CDK19: variants seen among roughly 807,000 people sequenced by gnomAD.
The protein encoded by CDK19 is cyclin dependent kinase 19, also known as cyclin-dependent kinase 19.
A neutral mutation model predicts 68.3 loss-of-function variants in CDK19; 20 were observed. The ratio of observed to expected loss-of-function variants is 0.29; its 90% CI spans 0.21 to 0.43. The LOEUF (loss-of-function observed/expected upper bound fraction) is 0.43. CDK19 is among the 20% of genes least tolerant of loss of function. CDK19 has a pLI of 1.00. For missense variants in CDK19, 339 were observed against 623.5 expected (o/e 0.54, Z 4.86); for synonymous variants, 221 against 222.8 (o/e 0.99, Z 0.07).
intron 1 of CDK19, chr6:110,813,697 T>C (rs1783304868): frequency 1.4e-5 from 2 of 140,534 alleles, no homozygotes; most frequent in African/African-American, 2.7e-5. Context: ...CGATACCTTA[T>C]GACAAAACAC....
At chr6:110,677,084 A>T (rs903497500) in intron 2 of CDK19, among the ~76,000 whole-genome samples, 1 of 152,220 alleles carries the variant, frequency 6.6e-6, no homozygotes, top group African/African-American at 2.4e-5. Flanking sequence ...ACTGAGGCAA[A>T]GAAATAGCAA....
chr6:110,759,298 G>A (rs1228346528), intron 1 of CDK19, among the ~76,000 whole-genome samples: 55 of 148,858 alleles, frequency 3.7e-4, no homozygotes, highest in African/African-American at 1.3e-3. Context: ...CCAGCTACTC[G>A]GGAGGCTGAG....
intron 1 of CDK19, among the ~76,000 whole-genome samples, chr6:110,797,451 T>C (rs947797617): frequency 6.6e-6 from 1 of 152,226 alleles, no homozygotes; most frequent in Non-Finnish European, 1.5e-5. Context: ...TTTGAACATT[T>C]ACTAGACTTT....
chr6:110,783,048 T>C (rs925732291), intron 1 of CDK19, among the ~76,000 whole-genome samples: 6 of 152,208 alleles, frequency 3.9e-5, no homozygotes, highest in African/African-American at 1.2e-4. Context: ...GTCTGCGGCC[T>C]ACAGTCCCAC....
intron 2 of CDK19, among the ~76,000 whole-genome samples, chr6:110,696,675 A>C (rs1773511812): frequency 6.6e-6 from 1 of 152,110 alleles, no homozygotes; most frequent in Non-Finnish European, 1.5e-5. Context: ...TAATCCCAGC[A>C]CTTTGGGAAG....
rs114272357 is a variant in CDK19, at chr6:110,765,285, A to T, written c.129-19084T>A. Among the ~76,000 whole-genome samples, 510 of 152,258 alleles carry T rather than the reference A, an allele frequency of 3.3e-3. 2 individuals are homozygous for T. Among genetic ancestry groups the T allele is most frequent in the African/African-American group, 0.012 (481 of 41,562 alleles). ...ATTAAAAATTTTTGACATTTTAGGA[A>T]GAAGGATCACTTGAGCCCTGGAGGT... On this transcript the variant is annotated intron_variant, in intron 1 of 12. Transcript: ENST00000368911.
chr6:110,699,424 CAA>C (rs34728164), intron 2 of CDK19, among the ~76,000 whole-genome samples: 8 of 93,730 alleles, frequency 8.5e-5, no homozygotes, highest in Admixed American at 1.2e-4. Context: ...GACTTCGTCT[CAA>C]AAAAAAAAAA....
chr6:110,739,146 T>C (rs890649248), intron 2 of CDK19, among the ~76,000 whole-genome samples: 1 of 152,212 alleles, frequency 6.6e-6, no homozygotes. Context: ...TTATGCCCCT[T>C]GCCCTCCCAA....
intron 4 of CDK19, among the ~76,000 whole-genome samples, chr6:110,664,047 T>C (rs1255214185): frequency 3.3e-5 from 5 of 152,186 alleles, no homozygotes; most frequent in African/African-American, 4.8e-5. Flanking sequence ...AAACTGTCAG[T>C]ACTTAAACAA....
chr6:110,639,808 T>C (rs1225825812), intron 4 of CDK19, among the ~76,000 whole-genome samples: 1 of 152,148 alleles, frequency 6.6e-6, no homozygotes, highest in Non-Finnish European at 1.5e-5. Flanking sequence ...GGGAATGGTG[T>C]CCATTAGACG....
intron 2 of CDK19, among the ~76,000 whole-genome samples, chr6:110,694,689 G>A (rs1773322240): frequency 6.6e-6 from 1 of 152,146 alleles, no homozygotes; most frequent in Non-Finnish European, 1.5e-5. Context: ...CCCAACAACT[G>A]CGGAGAATAC....
chr6:110,778,536 T>C (rs1178756585), intron 1 of CDK19, among the ~76,000 whole-genome samples: 1 of 152,242 alleles, frequency 6.6e-6, no homozygotes, highest in East Asian at 1.9e-4. Flanking sequence ...GTTTCAATTC[T>C]TGCATTATTA....
intron 5 of CDK19, among the ~76,000 whole-genome samples, chr6:110,635,507 T>C (rs575473981): frequency 6.6e-6 from 1 of 152,228 alleles, no homozygotes; most frequent in East Asian, 1.9e-4. Context: ...CAAAATGTGT[T>C]TTCCATGCAA....
intron 2 of CDK19, among the ~76,000 whole-genome samples, chr6:110,693,012 T>A (rs996713149): frequency 6.6e-6 from 1 of 151,670 alleles, no homozygotes; most frequent in African/African-American, 2.4e-5. Context: ...ATAATAATAA[T>A]AATAAACCCA....
At chr6:110,678,356 G>A (rs1771705437) in intron 2 of CDK19, among the ~76,000 whole-genome samples, 1 of 152,016 alleles carries the variant, frequency 6.6e-6, no homozygotes. Context: ...CCATTTGAAT[G>A]TCTAAAAGCC....
chr6:110,772,199 G>A (rs568636270), intron 1 of CDK19, among the ~76,000 whole-genome samples: 7 of 152,204 alleles, frequency 4.6e-5, no homozygotes, highest in Middle Eastern at 3.4e-3. Flanking sequence ...AGGTTTAATT[G>A]GACTTACAGT....
chr6:110,674,895 C>G (rs1771360487), intron 2 of CDK19, among the ~76,000 whole-genome samples: 1 of 147,868 alleles, frequency 6.8e-6, no homozygotes, highest in Non-Finnish European at 1.5e-5. Context: ...CAGCGAGACT[C>G]TGTCTCAAAA....
At chr6:110,616,168 A>G (rs1778301602) in intron 12 of CDK19, among the ~76,000 whole-genome samples, 1 of 152,190 alleles carries the variant, frequency 6.6e-6, no homozygotes, top group South Asian at 2.1e-4. Context: ...CTGTCTTGAT[A>G]AATTGGCTCT....
At chr6:110,744,724 G>A (rs759035484) in intron 2 of CDK19, among the ~76,000 whole-genome samples, 1 of 152,082 alleles carries the variant, frequency 6.6e-6, no homozygotes, top group Non-Finnish European at 1.5e-5. Context: ...CCAGGGAGAG[G>A]CTCCCATTCT....
Sources: allele counts gnomAD v4.1 joint callset (sites outside exome capture counted in the v4.1 genomes callset), GRCh38; gene constraint gnomAD v4.1.1; transcripts MANE v1.5; gene names NCBI Gene and HGNC (gene_info 2026-07-23, HGNC 2026-07-21).